CHST12: variants seen among roughly 807,000 people sequenced by gnomAD.
CHST12 encodes carbohydrate (chondroitin 4) sulfotransferase 12.
CHST12 carries 23 observed loss-of-function variants against 27.9 expected under a neutral mutation model. That is an observed-to-expected ratio of 0.82 (90% CI 0.59 to 1.17). The LOEUF (loss-of-function observed/expected upper bound fraction) is 1.17, where lower values mean the gene tolerates loss of function less well. Ranked by LOEUF, CHST12 falls within the 50% of genes most tolerant of loss-of-function variation. The probability of loss-of-function intolerance (pLI) is 0.00; values close to 1 mark genes in which losing one functional copy is unlikely to be tolerated. For missense variants in CHST12, 682 were observed against 603.0 expected, an observed-to-expected ratio of 1.13 and a Z score of -1.37; for synonymous variants, 322 against 273.0, an observed-to-expected ratio of 1.18 and a Z score of -1.77.
Position 2,433,359 on chromosome 7 carries a change from G to A in CHST12, c.720G>A (p.Lys240=), listed in dbSNP as rs1782357781. 1 of 1,611,708 alleles carries A rather than the reference G, an allele frequency of 6.2e-7. No homozygotes were observed. The highest frequency in any genetic ancestry group is 8.5e-7 in the Non-Finnish European group (1 of 1,179,940). The change falls in exon 2 of 2, where the codon AAG becomes AAA. Residue 240 remains lysine (K), a synonymous_variant. Transcript: ENST00000618655. This position sits in a 1 kb window ranked among gnomAD's most constrained non-coding sequence, Gnocchi z 6.1. ...LMKVKLKKYT[K]FLFVRDPFVR... ...AGGTCAAGCTCAAGAAGTACACCAA[G>A]TTCCTCTTCGTGCGCGACCCCTTCG...
chr7:2,433,133 C>T lies in CHST12; in HGVS notation c.494C>T (p.Ala165Val), dbSNP rs1454521359. The T allele has an allele frequency of 1.9e-6, 3 of 1,612,658 alleles. No homozygotes were observed. Among genetic ancestry groups the T allele is most frequent in the Non-Finnish European group, 2.5e-6 (3 of 1,179,430 alleles). Residue 165 changes from alanine to valine, a missense_variant, in exon 2 of 2, where the codon GCC becomes GTC. Physicochemically the swap from Ala to Val is moderately conservative, Grantham distance 64. Coordinates refer to ENST00000618655, the MANE Select transcript of CHST12 (RefSeq NM_018641.5). This position sits in a 1 kb window ranked among gnomAD's most constrained non-coding sequence, Gnocchi z 6.1. ...CTGATCGTGGACGACCGGCACGGGG[C>T]CATCTACTGCTACGTGCCCAAGGTG... ...SHLIVDDRHGAIYCYVPKVAC... is the reference protein window; with the variant it reads ...SHLIVDDRHGVIYCYVPKVAC...
Position 2,435,492 on chromosome 7 carries a change from C to G in CHST12, c.*1608C>G, listed in dbSNP as rs914680141. The G allele has an allele frequency of 6.6e-6, 1 of 152,232 alleles. No homozygotes were observed. The highest frequency in any genetic ancestry group is 1.5e-5 in the Non-Finnish European group (1 of 68,076). 9.4% of individuals were successfully genotyped at this position (152,232 alleles called of 1,614,324 possible). ...CTTGATAAAAGTGTCAGAGGAGGCT[C>G]TGGAAACATCTGGCTGAAACTCCTT... On this transcript the variant is annotated 3_prime_UTR_variant, in exon 2 of 2. Coordinates refer to ENST00000618655, the MANE Select transcript of CHST12 (RefSeq NM_018641.5).
At chr7:2,405,541 T>C (rs1288214098) in intron 1 of CHST12, among the ~76,000 whole-genome samples, 3 of 152,056 alleles carry the variant, frequency 2.0e-5, no homozygotes, top group Admixed American at 6.6e-5. Context: ...CGCGATTAGA[T>C]GTGTTTCAGA....
chr7:2,419,043 C>T (rs1490470391), intron 1 of CHST12, among the ~76,000 whole-genome samples: 1 of 152,248 alleles, frequency 6.6e-6, no homozygotes, highest in Non-Finnish European at 1.5e-5. Context: ...AGCAATCCCC[C>T]TGCCTTGGCT....
At chr7:2,410,741 G>C (rs946888312) in intron 1 of CHST12, among the ~76,000 whole-genome samples, 9 of 152,094 alleles carry the variant, frequency 5.9e-5, no homozygotes, top group Non-Finnish European at 1.3e-4. Context: ...TGCTGGGTGC[G>C]GTGGATGAAC....
In CHST12 at chr7:2,434,579, T is replaced by TAAAAAAAAAAAAAAA. The variant is rs869123293; in HGVS notation, c.*718_*732dup. 1.9e-4 allele frequency: 4 copies of TAAAAAAAAAAAAAAA among 20,962 alleles called. 1 individual carries two copies. Among genetic ancestry groups the TAAAAAAAAAAAAAAA allele is most frequent in the African/African-American group, 1.7e-4 (1 of 5,736 alleles). The allele number at this position is 20,962 out of a possible 1,614,324, so 1.3% of individuals were successfully genotyped here. On this transcript the variant is annotated 3_prime_UTR_variant, in exon 2 of 2. Transcript: ENST00000618655. ...CAACATGGTGAAACCCTGTCTCTACTAAAAAAAAAAAAAAAAAAAAAAAAA... is the reference window on the plus strand; with the variant it reads ...CAACATGGTGAAACCCTGTCTCTACTAAAAAAAAAAAAAAAAAAAAAAAAAAAAAAAAAAAAAAAA...
intron 1 of CHST12, among the ~76,000 whole-genome samples, chr7:2,423,013 C>T (rs1047726804): frequency 1.3e-5 from 2 of 151,984 alleles, no homozygotes; most frequent in Non-Finnish European, 2.9e-5. Flanking sequence ...CAGTGGCTCA[C>T]GCCTGTCATT....
At chr7:2,427,226 A>T (rs1373501123) in intron 1 of CHST12, among the ~76,000 whole-genome samples, 1 of 151,992 alleles carries the variant, frequency 6.6e-6, no homozygotes, top group Non-Finnish European at 1.5e-5. Context: ...CAAATGTAAA[A>T]ATACTCAGTT....
At position 2,448,030 on chromosome 7, in the gene CHST12, G is replaced by C. The variant is rs1369875753; in HGVS notation, c.*14146G>C. Reference sequence around the variant, plus strand: ...CTATAGGCACACACCACCATGCCCGGCTAATTTTTCTCTTTTTAGTAGAGA... The same window carrying C: ...CTATAGGCACACACCACCATGCCCGCCTAATTTTTCTCTTTTTAGTAGAGA... On this transcript the variant is annotated 3_prime_UTR_variant, in exon 2 of 2. Transcript: ENST00000618655. 1 of 151,840 alleles carries C rather than the reference G, an allele frequency of 6.6e-6. No individual in the cohort carries two copies. The highest frequency in any genetic ancestry group is 1.5e-5 in the Non-Finnish European group (1 of 67,998). 9.4% of individuals were successfully genotyped at this position (151,840 alleles called of 1,614,324 possible). A position where few individuals can be genotyped will look rare whatever the true frequency, so the allele number is the denominator to read the frequency against.
At position 2,433,268 on chromosome 7, in the gene CHST12, C is replaced by T; in HGVS notation, c.629C>T (p.Ala210Val). Residue 210 changes from alanine (A) to valine (V), a missense_variant, in exon 2 of 2, where the codon GCC (alanine) becomes GTC (valine). Transcript: ENST00000618655. The surrounding 1 kb of genome is among the most constrained non-coding windows in gnomAD (Gnocchi z 6.1). The stretch of plus-strand genomic sequence containing the variant: ...ATCCCGCGCGAGCACGTGCACAACG[C>T]CAGCGCGCACCTGACCTTCAACAAG... ...LRIPREHVHN[A>V]SAHLTFNKFW... 1 of 1,611,666 alleles carries T rather than the reference C, an allele frequency of 6.2e-7. No individual in the cohort carries two copies. The highest frequency in any genetic ancestry group is 8.5e-7 in the Non-Finnish European group (1 of 1,178,646).
intron 1 of CHST12, among the ~76,000 whole-genome samples, chr7:2,406,174 T>C (rs1781519285): frequency 6.6e-6 from 1 of 152,058 alleles, no homozygotes; most frequent in South Asian, 2.1e-4. Context: ...TAGCTGTTAG[T>C]TTCACACTTG....
intron 1 of CHST12, among the ~76,000 whole-genome samples, chr7:2,424,575 C>T (rs1782057989): frequency 3.3e-5 from 5 of 152,144 alleles, no homozygotes; most frequent in South Asian, 2.1e-4. Flanking sequence ...GGAAGACTCC[C>T]GGGCAATCCG....
intron 1 of CHST12, among the ~76,000 whole-genome samples, chr7:2,419,081 A>T (rs969439667): frequency 2.0e-5 from 3 of 152,200 alleles, no homozygotes; most frequent in African/African-American, 7.2e-5. Flanking sequence ...CACAGGCATG[A>T]ACCACCATGT....
In CHST12 at chr7:2,433,340, A is replaced by T; in HGVS notation, c.701A>T (p.Lys234Met). 1 of 1,612,602 alleles carries T rather than the reference A, an allele frequency of 6.2e-7. No homozygotes were observed. The highest frequency in any genetic ancestry group is 8.5e-7 in the Non-Finnish European group (1 of 1,179,930). ...GKLSRHLMKVKLKKYTKFLFV... is the reference protein window; with the variant it reads ...GKLSRHLMKVMLKKYTKFLFV... ...CTCTCCCGCCACCTCATGAAGGTCA[A>T]GCTCAAGAAGTACACCAAGTTCCTC... The change falls in exon 2 of 2, where the codon AAG becomes ATG. Residue 234 changes from lysine (K) to methionine (M), a missense_variant. Lys to Met is a moderately conservative substitution (Grantham distance 95). Transcript: ENST00000618655. The surrounding 1 kb of genome is among the most constrained non-coding windows in gnomAD (Gnocchi z 6.1).
At chr7:2,415,815 C>T (rs554357034) in intron 1 of CHST12, among the ~76,000 whole-genome samples, 48 of 152,020 alleles carry the variant, frequency 3.2e-4, no homozygotes, top group African/African-American at 1.1e-3. Context: ...GGGGTTTTAC[C>T]GTGTTAGCCA....
intron 1 of CHST12, among the ~76,000 whole-genome samples, chr7:2,407,948 TAA>T (rs879667414): frequency 4.0e-5 from 6 of 151,440 alleles, no homozygotes; most frequent in Non-Finnish European, 7.4e-5. Flanking sequence ...TTTAAAAAAT[TAA>T]AAGTCTGGGC....
intron 1 of CHST12, among the ~76,000 whole-genome samples, chr7:2,427,336 A>G (rs1054477275): frequency 6.6e-6 from 1 of 152,184 alleles, no homozygotes; most frequent in Non-Finnish European, 1.5e-5. Context: ...ACAACTCTAT[A>G]AAAAATTTTT....
intron 1 of CHST12, among the ~76,000 whole-genome samples, chr7:2,416,433 G>A (rs4721698): frequency 0.2 from 30,477 of 152,070 alleles, 3,160 homozygotes; most frequent in African/African-American, 0.27. Context: ...GCATTAGAAT[G>A]GTGAATCCTT....
rs750502987 is a variant in CHST12 at position 2,432,723 on chromosome 7, C to A, written c.84C>A (p.Ser28Arg). ...TGCTGATCATCGTGTACTGGGACAG[C>A]GCAGGCGCCGCGCACTTCTACTTGC... ...MILLIIVYWD[S>R]AGAAHFYLHT... Residue 28 changes from serine (S) to arginine (R), a missense_variant, in exon 2 of 2, where the codon AGC (serine) becomes AGA (arginine). Coordinates refer to ENST00000618655, the MANE Select transcript of CHST12 (RefSeq NM_018641.5). 1 of 1,613,940 alleles carries A rather than the reference C, an allele frequency of 6.2e-7. No individual in the cohort carries two copies. The highest frequency in any genetic ancestry group is 1.1e-5 in the South Asian group (1 of 91,076).
Sources: allele counts gnomAD v4.1 joint callset (sites outside exome capture counted in the v4.1 genomes callset), GRCh38; gene constraint gnomAD v4.1.1; non-coding constraint Gnocchi (gnomAD v3.1); transcripts MANE v1.5; gene names NCBI Gene and HGNC (gene_info 2026-07-23, HGNC 2026-07-21).